Variants in CACNB1 observed in about 807,000 individuals in gnomAD.
The protein encoded by CACNB1 is voltage-dependent L-type calcium channel subunit beta-1.
A neutral mutation model predicts 71.6 loss-of-function variants in CACNB1; 29 were observed. The observed-to-expected ratio is 0.40, with a 90% confidence interval of 0.30 to 0.55. The LOEUF (loss-of-function observed/expected upper bound fraction) is 0.55. Among genes scored for constraint, CACNB1 ranks in the 20% least tolerant of loss-of-function variants. The pLI is 0.38. For synonymous variants in CACNB1, 300 were observed against 319.6 expected (o/e 0.94, Z 0.65); for missense variants, 623 against 801.8 (o/e 0.78, Z 2.69).
Position 39,197,501 on chromosome 17 carries a change from G to A in CACNB1, c.-6C>T. ...ATGCTGGTCTTCTGGACCATGGAGA[G>A]GAGCCTCCCCTCCCGCCGCCGGCCC... On this transcript the variant is annotated 5_prime_UTR_variant, in exon 1 of 14. Coordinates refer to ENST00000394303, the MANE Select transcript of CACNB1 (RefSeq NM_000723.5). 6.7e-7 allele frequency: 1 copy of A among 1,490,828 alleles called. No individual in the cohort carries two copies. The highest frequency in any genetic ancestry group is 2.5e-5 in the Admixed American group (1 of 39,856). The allele number at this position is 1,490,828 out of a possible 1,614,324, so 92.3% of individuals were successfully genotyped here. A position where few individuals can be genotyped will look rare whatever the true frequency, so the allele number is the denominator to read the frequency against.
intron 11 of CACNB1, among the ~76,000 whole-genome samples, chr17:39,183,188 C>T (rs1437513287): frequency 6.6e-6 from 1 of 152,014 alleles, no homozygotes; most frequent in Non-Finnish European, 1.5e-5. Context: ...AAATATTAGC[C>T]AGGCATGGTG....
chr17:39,196,205 G>A (rs952417664), intron 1 of CACNB1, among the ~76,000 whole-genome samples: 2 of 152,110 alleles, frequency 1.3e-5, no homozygotes, highest in African/African-American at 2.4e-5. Context: ...TGGGAGAGGA[G>A]GGCCCCTGGG....
Position 39,186,637 on chromosome 17 carries a change from T to A in CACNB1, c.552-65A>T. On this transcript the variant is annotated intron_variant, in intron 5 of 13. Transcript: ENST00000394303. The surrounding 1 kb of genome is among the most constrained non-coding windows in gnomAD (Gnocchi z 4.1). ...GTGGGCGTGGGGGGCTCTCATCCTC[T>A]CACATGCGGCACCCCCGGAGGTGCT... 1 of 1,526,436 alleles carries A rather than the reference T, an allele frequency of 6.6e-7. No individual in the cohort carries two copies. Among genetic ancestry groups the A allele is most frequent in the Non-Finnish European group, 9.0e-7 (1 of 1,106,470 alleles). The allele number at this position is 1,526,436 out of a possible 1,614,324, so 94.6% of individuals were successfully genotyped here.
rs770333541 is a variant in CACNB1, at chr17:39,175,586, G to A, written c.1404C>T (p.Tyr468=). 2.5e-5 allele frequency: 41 copies of A among 1,610,350 alleles called. No individual in the cohort carries two copies. Among genetic ancestry groups the A allele is most frequent in the Non-Finnish European group, 3.1e-5 (36 of 1,178,036 alleles). Residue 468 remains tyrosine, a synonymous_variant, in exon 14 of 14, where the codon TAC becomes TAT. Coordinates refer to ENST00000394303, the MANE Select transcript of CACNB1 (RefSeq NM_000723.5). The surrounding 1 kb of genome is among the most constrained non-coding windows in gnomAD (Gnocchi z 4.7). ...ATGEHASMHE[Y]PGELGQPPGL... is the part of the protein sequence containing the mutation. ...CTGGGGGCTGGCCCAGCTCCCCTGG[G>A]TACTCGTGCATGCTGGCGTGCTCCC...
rs545970256 is a variant in CACNB1 at position 39,178,016 on chromosome 17, C to G, written c.1114G>C (p.Ala372Pro). ...CACTGTGCCAGCTTTTCCGAGGCCG[C>G]TATTTGGACATTGAGGTGTTTGGAC... is the stretch of plus-strand genomic sequence containing the variant. Reference protein sequence around the residue: ...SQSKHLNVQIAASEKLAQCPP... With the variant: ...SQSKHLNVQIPASEKLAQCPP... Residue 372 changes from alanine (A) to proline (P), a missense_variant, in exon 12 of 14, where the codon GCG becomes CCG. Coordinates refer to ENST00000394303, the MANE Select transcript of CACNB1 (RefSeq NM_000723.5). The G allele has an allele frequency of 2.5e-6, 4 of 1,614,134 alleles. No homozygotes were observed. The highest frequency in any genetic ancestry group is 2.5e-6 in the Non-Finnish European group (3 of 1,180,000).
At position 39,185,940 on chromosome 17, in the gene CACNB1, C is replaced by T. The variant is rs762174033; in HGVS notation, c.628+556G>A. ...TCCCCCACCTCTTGCAAGAACACAG[C>T]GAGAATTACCTTCTTAAAGAAGGGG... On this transcript the variant is annotated intron_variant, in intron 6 of 13. Transcript: ENST00000394303. 3.5e-5 allele frequency: 56 copies of T among 1,609,328 alleles called. No individual in the cohort carries two copies. The East Asian group carries it at 4.2e-4, about 12-fold the overall frequency.
Position 39,194,908 on chromosome 17 carries a change from G to A in CACNB1, c.147C>T (p.Thr49=). The change falls in exon 2 of 14, where the codon ACC becomes ACT. Residue 49 remains threonine, a synonymous_variant. Coordinates refer to ENST00000394303, the MANE Select transcript of CACNB1 (RefSeq NM_000723.5). The surrounding 1 kb of genome is among the most constrained non-coding windows in gnomAD (Gnocchi z 4.6). The part of the protein sequence containing the change: ...KRSDGSTSSD[T]TSNSFVRQGS... Reference sequence around the variant, plus strand: ...CCTGGCGGACAAAGCTGTTGGATGTGGTATCCGAGGACGTGCTCCCATCTG... The same window carrying A: ...CCTGGCGGACAAAGCTGTTGGATGTAGTATCCGAGGACGTGCTCCCATCTG... The A allele has an allele frequency of 6.2e-7, 1 of 1,612,734 alleles. No homozygotes were observed. Among genetic ancestry groups the A allele is most frequent in the Non-Finnish European group, 8.5e-7 (1 of 1,179,012 alleles).
chr17:39,195,597 GA>G (rs1335694897), intron 1 of CACNB1, among the ~76,000 whole-genome samples: 6 of 152,176 alleles, frequency 3.9e-5, no homozygotes, highest in African/African-American at 1.4e-4. Context: ...TGTATTTGGA[GA>G]GTAAACATCC....
intron 11 of CACNB1, among the ~76,000 whole-genome samples, chr17:39,180,651 T>TC (rs1023515077): frequency 3.6e-5 from 5 of 139,544 alleles, no homozygotes; most frequent in African/African-American, 1.3e-4. Context: ...CGAGACTTCG[T>TC]CCCCCCTCAA....
At chr17:39,180,393 G>A (rs1020953835) in intron 11 of CACNB1, among the ~76,000 whole-genome samples, 3 of 152,024 alleles carry the variant, frequency 2.0e-5, no homozygotes, top group East Asian at 1.9e-4. Flanking sequence ...GGTGGCTCAC[G>A]CCTATAATCC....
Position 39,186,833 on chromosome 17 carries a change from G to A in CACNB1, c.511C>T (p.Leu171=). Residue 171 remains leucine, a synonymous_variant, in exon 5 of 14, where the codon CTG becomes TTG. Coordinates refer to ENST00000394303, the MANE Select transcript of CACNB1 (RefSeq NM_000723.5). This position sits in a 1 kb window ranked among gnomAD's most constrained non-coding sequence, Gnocchi z 4.1. ...TTCTGGCGCAGCTTCTGTTCCTGCAGCAGGCGAAGGCTGTCCAGTTTGACG... is the reference window on the plus strand; with the variant it reads ...TTCTGGCGCAGCTTCTGTTCCTGCAACAGGCGAAGGCTGTCCAGTTTGACG... ...SPVKLDSLRL[L]QEQKLRQNRL... 6.2e-7 allele frequency: 1 copy of A among 1,614,112 alleles called. No homozygotes were observed. The highest frequency in any genetic ancestry group is 2.2e-5 in the East Asian group (1 of 44,884).
chr17:39,192,089 C>T (rs1025492161), intron 2 of CACNB1: 1 of 171,130 alleles, frequency 5.8e-6, no homozygotes, highest in African/African-American at 2.4e-5. Flanking sequence ...CAGATTTTGC[C>T]AGCTTCTGTT....
intron 11 of CACNB1, 122 bp from the exon 12 acceptor site, chr17:39,178,201 A>G (rs1217782058): frequency 9.4e-6 from 7 of 744,724 alleles, no homozygotes; most frequent in Admixed American, 1.9e-5. Context: ...TGAATGCTCC[A>G]TAACTCTCAG....
Position 39,175,580 on chromosome 17 carries a change from C to T in CACNB1, c.1410G>A (p.Gly470=), listed in dbSNP as rs1199709322. 1.9e-6 allele frequency: 3 copies of T among 1,611,516 alleles called. No homozygotes were observed. Among genetic ancestry groups the T allele is most frequent in the East Asian group, 2.2e-5 (1 of 44,854 alleles). Residue 470 remains glycine, a synonymous_variant, in exon 14 of 14, where the codon GGG becomes GGA. Transcript: ENST00000394303. The surrounding 1 kb of genome is among the most constrained non-coding windows in gnomAD (Gnocchi z 4.7). ...GEHASMHEYP[G]ELGQPPGLYP... is the part of the protein sequence containing the mutation. ...AAAGGCCTGGGGGCTGGCCCAGCTC[C>T]CCTGGGTACTCGTGCATGCTGGCGT...
chr17:39,190,552 C>T lies in CACNB1; in HGVS notation c.291+922G>A, dbSNP rs537364179. Reference sequence around the variant, plus strand: ...AAGCGATTCTGGTGCCTCAGCCTCCCGAGTAATTGGGATTACAGGCGTACA... The same window carrying T: ...AAGCGATTCTGGTGCCTCAGCCTCCTGAGTAATTGGGATTACAGGCGTACA... On this transcript the variant is annotated intron_variant, in intron 3 of 13. Coordinates refer to ENST00000394303, the MANE Select transcript of CACNB1 (RefSeq NM_000723.5). Among the ~76,000 whole-genome samples, 8 of 152,138 alleles carry T rather than the reference C, an allele frequency of 5.3e-5. No individual in the cohort carries two copies. The East Asian group carries it at 5.9e-4, about 11-fold the overall frequency.
At position 39,183,762 on chromosome 17, in the gene CACNB1, T is replaced by C. The variant is rs1242844169; in HGVS notation, c.1001A>G (p.Lys334Arg). ...AACAATGATGGGGGCCAGCGAGGTC[T>C]TGGACAGCTGGGCTGGGTGATTGAT... ...DTINHPAQLS[K>R]TSLAPIIVYI... The change falls in exon 11 of 14, where the codon AAG becomes AGG. Residue 334 changes from lysine (K) to arginine (R), a missense_variant. By Grantham distance (26) the Lys-to-Arg change is conservative. Coordinates refer to ENST00000394303, the MANE Select transcript of CACNB1 (RefSeq NM_000723.5). 2.5e-6 allele frequency: 4 copies of C among 1,613,522 alleles called. No individual in the cohort carries two copies. The highest frequency in any genetic ancestry group is 2.7e-5 in the African/African-American group (2 of 74,906).
Position 39,186,877 on chromosome 17 carries a change from A to G in CACNB1, c.467T>C (p.Val156Ala), listed in dbSNP as rs138029585. ...IGRLVKEGCE[V>A]GFIPSPVKLD... ...TTTGACGGGGCTGGGAATGAAGCCAACCTCACAGCCCTCCTTCACCAGCCG... is the reference window on the plus strand; with the variant it reads ...TTTGACGGGGCTGGGAATGAAGCCAGCCTCACAGCCCTCCTTCACCAGCCG... The change falls in exon 5 of 14, where the codon GTT (valine) becomes GCT (alanine). Residue 156 changes from valine (V) to alanine (A), a missense_variant. Val to Ala is a moderately conservative substitution (Grantham distance 64, BLOSUM62 0). Transcript: ENST00000394303. The surrounding 1 kb of genome is among the most constrained non-coding windows in gnomAD (Gnocchi z 4.1). The G allele has an allele frequency of 1.1e-3, 1,808 of 1,613,958 alleles. 2 individuals are homozygous for G. The highest frequency in any genetic ancestry group is 1.5e-3 in the South Asian group (137 of 91,078).
Position 39,177,546 on chromosome 17 carries a change from G to A in CACNB1, c.1147-11C>T. 6.4e-7 allele frequency: 1 copy of A among 1,569,890 alleles called. No homozygotes were observed. The highest frequency in any genetic ancestry group is 2.3e-5 in the East Asian group (1 of 44,416). Reference sequence around the variant, plus strand: ...GATGTCAAACATTTCCTGTGAAGGCGGGGTTAGGGGGCAGGGCTGGGATGA... The same window carrying A: ...GATGTCAAACATTTCCTGTGAAGGCAGGGTTAGGGGGCAGGGCTGGGATGA... On this transcript the variant is annotated splice_polypyrimidine_tract_variant and intron_variant, in intron 12 of 13. Transcript: ENST00000394303.
intron 7 of CACNB1, 61 bp from the exon 8 acceptor site, chr17:39,184,925 C>T: frequency 8.0e-7 from 1 of 1,243,260 alleles, no homozygotes; most frequent in African/African-American, 1.5e-5. Context: ...TCCTCTCCCC[C>T]AGACTCCAGG....
Sources: allele counts gnomAD v4.1 joint callset (sites outside exome capture counted in the v4.1 genomes callset), GRCh38; gene constraint gnomAD v4.1.1; non-coding constraint Gnocchi (gnomAD v3.1); transcripts MANE v1.5; gene names NCBI Gene and HGNC (gene_info 2026-07-23, HGNC 2026-07-21).